Variants in EIF4E observed in about 807,000 individuals in gnomAD.
EIF4E encodes eIF-4F 25 kDa subunit.
For synonymous variants in EIF4E, 71 were observed against 88.5 expected (o/e 0.80, Z 1.11); for missense variants, 113 against 265.6 (o/e 0.43, Z 3.99).
At chr4:98,907,706 T>C (rs898898125) in intron 1 of EIF4E, among the ~76,000 whole-genome samples, 2 of 152,198 alleles carry the variant, frequency 1.3e-5, no homozygotes, top group Non-Finnish European at 2.9e-5. Context: ...GTCCTTTAAG[T>C]CTTAAGATGA....
At chr4:98,905,863 C>G in intron 1 of EIF4E, among the ~76,000 whole-genome samples, 1 of 152,158 alleles carries the variant, frequency 6.6e-6, no homozygotes, top group East Asian at 1.9e-4. Context: ...TAGCTTTTTA[C>G]TACATTCTGC....
chr4:98,900,210 A>AT (rs199509423), intron 2 of EIF4E, among the ~76,000 whole-genome samples: 1,748 of 152,254 alleles, frequency 0.011, 10 homozygotes, highest in Non-Finnish European at 0.02. Context: ...GTTAAACTAT[A>AT]TAAGACTGCC....
intron 1 of EIF4E, among the ~76,000 whole-genome samples, chr4:98,917,089 C>T (rs1239434286): frequency 8.6e-5 from 5 of 58,022 alleles, no homozygotes; most frequent in Non-Finnish European, 1.4e-4. Flanking sequence ...TCTAAACACA[C>T]ACACACACAC....
At chr4:98,909,874 T>A in intron 1 of EIF4E, 1 of 630,576 alleles carries the variant, frequency 1.6e-6, no homozygotes, top group South Asian at 1.9e-5. Flanking sequence ...ATGAGAAGGG[T>A]GGGACAGAGA....
chr4:98,908,782 G>A (rs1403208716), intron 1 of EIF4E, among the ~76,000 whole-genome samples: 2 of 151,990 alleles, frequency 1.3e-5, no homozygotes, highest in Non-Finnish European at 2.9e-5. Flanking sequence ...TCATAATCCC[G>A]TGAAACAACC....
chr4:98,890,498 T>G (rs1238702450), intron 3 of EIF4E, among the ~76,000 whole-genome samples: 1 of 152,198 alleles, frequency 6.6e-6, no homozygotes, highest in African/African-American at 2.4e-5. Flanking sequence ...GACTTTACAA[T>G]TTTTATTTAT....
At chr4:98,882,378 CAG>C (rs1236869542) in intron 6 of EIF4E, among the ~76,000 whole-genome samples, 6 of 108,096 alleles carry the variant, frequency 5.6e-5, no homozygotes, top group African/African-American at 2.3e-4. Flanking sequence ...GCCTGGGTGA[CAG>C]AGCAAGACTC....
chr4:98,902,849 CAAAA>C (rs1724708262), intron 1 of EIF4E, among the ~76,000 whole-genome samples: 1 of 151,488 alleles, frequency 6.6e-6, no homozygotes, highest in South Asian at 2.1e-4. Flanking sequence ...CAAAAACAAA[CAAAA>C]CAAAACAAAA....
intron 5 of EIF4E, 189 bp downstream of exon 5, chr4:98,886,890 A>G: frequency 1.8e-6 from 1 of 568,376 alleles, no homozygotes; most frequent in South Asian, 1.9e-5. Context: ...CTGACTTATA[A>G]TGTGGTAGGA....
chr4:98,903,955 G>T (rs1249723835), intron 1 of EIF4E, among the ~76,000 whole-genome samples: 2 of 152,150 alleles, frequency 1.3e-5, no homozygotes, highest in African/African-American at 4.8e-5. Flanking sequence ...GAGTCTCGAT[G>T]AAAACAATGA....
intron 1 of EIF4E, among the ~76,000 whole-genome samples, chr4:98,918,360 G>GAA (rs528302113): frequency 2.0e-5 from 2 of 99,980 alleles, no homozygotes; most frequent in African/African-American, 3.6e-5. Context: ...CTCCGTCTTG[G>GAA]AAAAAAAAAA....
chr4:98,925,646 C>T (rs539691448), intron 1 of EIF4E, among the ~76,000 whole-genome samples: 1 of 152,268 alleles, frequency 6.6e-6, no homozygotes, highest in African/African-American at 2.4e-5. Flanking sequence ...TAATATCAAA[C>T]TGAAAATGAT....
intron 1 of EIF4E, chr4:98,909,883 G>C (rs1725037590): frequency 1.2e-5 from 7 of 604,100 alleles, no homozygotes; most frequent in South Asian, 4.2e-5. Flanking sequence ...GTGGGACAGA[G>C]AGCCAGGGTA....
intron 1 of EIF4E, among the ~76,000 whole-genome samples, chr4:98,904,747 G>T (rs1326311650): frequency 6.6e-6 from 1 of 152,122 alleles, no homozygotes; most frequent in South Asian, 2.1e-4. Flanking sequence ...CTCCAGCCTG[G>T]GCGACAAGAG....
At chr4:98,891,958 CT>C (rs1199076678) in intron 2 of EIF4E, among the ~76,000 whole-genome samples, 2 of 152,164 alleles carry the variant, frequency 1.3e-5, no homozygotes, top group African/African-American at 4.8e-5. Flanking sequence ...CACACTGAAA[CT>C]CATCACTCAA....
intron 2 of EIF4E, among the ~76,000 whole-genome samples, chr4:98,896,181 C>A (rs938023075): frequency 7.4e-6 from 1 of 135,640 alleles, no homozygotes; most frequent in East Asian, 1.9e-4. Flanking sequence ...GGTGACAGAG[C>A]GAGGCTCCAT....
At chr4:98,904,508 C>T (rs554131903) in intron 1 of EIF4E, among the ~76,000 whole-genome samples, 6 of 152,294 alleles carry the variant, frequency 3.9e-5, no homozygotes, top group East Asian at 1.9e-4. Flanking sequence ...TGGTGGCTCA[C>T]GCCTGTAATC....
In EIF4E at chr4:98,918,338, G is replaced by A. The variant is rs1725487855; in HGVS notation, c.18+10757C>T. 2.7e-5 allele frequency among the ~76,000 whole-genome samples: 4 copies of A among 148,294 alleles called. No individual in the cohort carries two copies. In the South Asian group the frequency reaches 8.5e-4, roughly 32 times the overall value. On this transcript the variant is annotated intron_variant, in intron 1 of 6. Transcript: ENST00000450253. ...AGATTGTCACTGCACTCCAGCCTAG[G>A]CAAGAGCAAAGCTCCGTCTTGGAAA...
intron 1 of EIF4E, among the ~76,000 whole-genome samples, chr4:98,904,977 T>C (rs1724806254): frequency 6.6e-6 from 1 of 152,130 alleles, no homozygotes; most frequent in Non-Finnish European, 1.5e-5. Context: ...AGTCATCTTT[T>C]CGTATGATCT....
Sources: allele counts gnomAD v4.1 joint callset (sites outside exome capture counted in the v4.1 genomes callset), GRCh38; gene constraint gnomAD v4.1.1; transcripts MANE v1.5; gene names NCBI Gene and HGNC (gene_info 2026-07-23, HGNC 2026-07-21).